The following GAPVD1 variants were observed in gnomAD, a reference collection of about 807,000 sequenced individuals.
GAPVD1 encodes the protein GTPase-activating protein and VPS9 domain-containing protein 1.
In GAPVD1, 35 loss-of-function variants were observed where a neutral mutation model predicts 155.5. That is an observed-to-expected ratio of 0.23 (90% confidence interval 0.17 to 0.30). The LOEUF is 0.30. Among genes scored for constraint, GAPVD1 ranks in the 10% least tolerant of loss-of-function variants. The pLI is 1.00. For synonymous variants in GAPVD1, 636 were observed against 619.7 expected (o/e 1.03, Z -0.39); for missense variants, 1,429 against 1,775.7 (o/e 0.80, Z 3.51).
chr9:125,309,491 C>T (rs372927388), intron 8 of GAPVD1, among the ~76,000 whole-genome samples: 6 of 152,084 alleles, frequency 3.9e-5, no homozygotes, highest in Non-Finnish European at 8.8e-5. Context: ...CCCACCACCA[C>T]GCCCGGCTAA....
At chr9:125,330,247 C>A in intron 13 of GAPVD1, 29 bp downstream of exon 13, 1 of 1,498,552 alleles carries the variant, frequency 6.7e-7, no homozygotes, top group Non-Finnish European at 9.0e-7. Flanking sequence ...TTTGCTTTTT[C>A]ATTTATACAG....
At chr9:125,355,607 T>C (rs1331474476) in intron 24 of GAPVD1, 37 bp from the exon 25 acceptor site, 1 of 1,205,804 alleles carries the variant, frequency 8.3e-7, no homozygotes, top group East Asian at 2.5e-5. Flanking sequence ...AGATAGTTTT[T>C]ATTAAACTAT....
intron 11 of GAPVD1, among the ~76,000 whole-genome samples, chr9:125,325,519 C>CA (rs34510251): frequency 0.56 from 51,689 of 92,986 alleles, 13,031 homozygotes; most frequent in Non-Finnish European, 0.57. Context: ...GACTCCATCT[C>CA]AAAAAAAAAA....
chr9:125,360,560 A>G lies in GAPVD1; in HGVS notation c.4077A>G (p.Ala1359=). 6.2e-7 allele frequency: 1 copy of G among 1,614,076 alleles called. No homozygotes were observed. The highest frequency in any genetic ancestry group is 2.2e-5 in the East Asian group (1 of 44,880). Residue 1359 remains alanine (A), a synonymous_variant, in exon 27 of 28, where the codon GCA becomes GCG. Coordinates refer to ENST00000297933, the MANE Select transcript of GAPVD1 (RefSeq NM_001282680.3). ...VYLREAPWPS[A]QSEIRTISAY... ...TTCGAGAAGCACCATGGCCATCTGC[A>G]CAATCAGAAATCAGGACAATAAGTG...
chr9:125,332,746 T>C lies in GAPVD1; in HGVS notation c.2428+117T>C. ...GTATAGCACTTTGGGACATACTTTG[T>C]CAGTATCTATTTAAGGTCTTAAATG... is the stretch of plus-strand genomic sequence containing the variant. On this transcript the variant is annotated intron_variant, in intron 15 of 27. Coordinates refer to ENST00000297933, the MANE Select transcript of GAPVD1 (RefSeq NM_001282680.3). 6 of 806,458 alleles carry C rather than the reference T, an allele frequency of 7.4e-6. No individual in the cohort carries two copies. In the Admixed American group the frequency reaches 1.5e-4, roughly 21 times the overall value. 50.0% of individuals were successfully genotyped at this position (806,458 alleles called of 1,614,324 possible). A position where few individuals can be genotyped will look rare whatever the true frequency, so the allele number is the denominator to read the frequency against.
chr9:125,322,587 T>TTTG (rs1339006462), intron 10 of GAPVD1, among the ~76,000 whole-genome samples: 3 of 152,308 alleles, frequency 2.0e-5, no homozygotes, highest in African/African-American at 7.2e-5. Flanking sequence ...TTTATCCTGT[T>TTTG]TTGTAACCTT....
At position 125,367,027 on chromosome 9, in the gene GAPVD1, CCTGGATTAAAAAGCTGTA is replaced by C. The variant is rs1851502355; in HGVS notation, c.*4285_*4302del. ...TCTACTGGATTCTTCTTGTGCTTCA[CCTGGATTAAAAAGCTGTA>C]CTGCCTCTTTTGAAACAGATAAAAC... On this transcript the variant is annotated 3_prime_UTR_variant, in exon 28 of 28. Transcript: ENST00000297933. 1 of 152,196 alleles carries C rather than the reference CCTGGATTAAAAAGCTGTA, an allele frequency of 6.6e-6. No individual in the cohort carries two copies. Among genetic ancestry groups the C allele is most frequent in the African/African-American group, 2.4e-5 (1 of 41,444 alleles). The allele number at this position is 152,196 out of a possible 1,614,324, so 9.4% of individuals were successfully genotyped here.
intron 20 of GAPVD1, 69 bp downstream of exon 20, chr9:125,347,010 A>T (rs774062952): frequency 2.6e-6 from 4 of 1,518,604 alleles, no homozygotes; most frequent in Admixed American, 3.5e-5. Context: ...TCTGAATTTA[A>T]GTGGCCTTTA....
chr9:125,350,091 G>A (rs1257419948), intron 21 of GAPVD1, among the ~76,000 whole-genome samples: 2 of 152,198 alleles, frequency 1.3e-5, no homozygotes, highest in African/African-American at 4.8e-5. Context: ...GTGCTTTAAA[G>A]AATGGTCCTT....
At chr9:125,357,742 G>A (rs922462164) in intron 25 of GAPVD1, among the ~76,000 whole-genome samples, 1 of 152,132 alleles carries the variant, frequency 6.6e-6, no homozygotes, top group Non-Finnish European at 1.5e-5. Flanking sequence ...GGGAGGCCGA[G>A]GCAGGTGGAT....
intron 3 of GAPVD1, among the ~76,000 whole-genome samples, chr9:125,296,604 T>C (rs989849131): frequency 6.6e-6 from 1 of 151,586 alleles, no homozygotes; most frequent in African/African-American, 2.4e-5. Flanking sequence ...TCCCCTTGCC[T>C]TGGCCTCCCA....
intron 27 of GAPVD1, among the ~76,000 whole-genome samples, chr9:125,362,308 T>C (rs1428072263): frequency 6.6e-6 from 1 of 152,194 alleles, no homozygotes; most frequent in Non-Finnish European, 1.5e-5. Context: ...TCCGGGGATG[T>C]TGAGTAAGAC....
At chr9:125,299,166 T>G in intron 4 of GAPVD1, 60 bp downstream of exon 4, 1 of 832,894 alleles carries the variant, frequency 1.2e-6, no homozygotes, top group Middle Eastern at 2.6e-4. Flanking sequence ...GTAAATAAAT[T>G]AGTAACTATA....
At position 125,349,529 on chromosome 9, in the gene GAPVD1, T is replaced by G. The variant is rs538305721; in HGVS notation, c.3299+10T>G. Reference sequence around the variant, plus strand: ...CAGCTTTCTCTTACAGGTATTTCTTTTATAGGATTTGGGACTTTAGGGTTT... The same window carrying G: ...CAGCTTTCTCTTACAGGTATTTCTTGTATAGGATTTGGGACTTTAGGGTTT... On this transcript the variant is annotated intron_variant, in intron 21 of 27. Coordinates refer to ENST00000297933, the MANE Select transcript of GAPVD1 (RefSeq NM_001282680.3). 1.2e-5 allele frequency: 20 copies of G among 1,613,462 alleles called. No homozygotes were observed. The South Asian group carries it at 1.9e-4, about 15-fold the overall frequency.
chr9:125,272,054 C>A (rs1229906865), intron 2 of GAPVD1, among the ~76,000 whole-genome samples: 1 of 151,858 alleles, frequency 6.6e-6, no homozygotes, highest in African/African-American at 2.4e-5. Flanking sequence ...GATGGAGTTT[C>A]ACTCTGTCTC....
Position 125,355,717 on chromosome 9 carries a change from A to T in GAPVD1, c.3831A>T (p.Ala1277=), listed in dbSNP as rs750730740. ...ATTTTCTGCAGTTTCTTTATGGTGCAATGGCCCAGGATGTCATATGGCAAA... is the reference window on the plus strand; with the variant it reads ...ATTTTCTGCAGTTTCTTTATGGTGCTATGGCCCAGGATGTCATATGGCAAA... The part of the protein sequence containing the change: ...VEDFLQFLYG[A]MAQDVIWQNA... Residue 1277 remains alanine, a synonymous_variant, in exon 25 of 28, where the codon GCA becomes GCT. Coordinates refer to ENST00000297933, the MANE Select transcript of GAPVD1 (RefSeq NM_001282680.3). 7 of 1,613,624 alleles carry T rather than the reference A, an allele frequency of 4.3e-6. No homozygotes were observed. In the Admixed American group the frequency reaches 1.2e-4, roughly 27 times the overall value.
intron 11 of GAPVD1, among the ~76,000 whole-genome samples, chr9:125,324,361 C>T (rs1475949706): frequency 6.6e-6 from 1 of 152,032 alleles, no homozygotes; most frequent in African/African-American, 2.4e-5. Flanking sequence ...GTGGCTGAGG[C>T]GGGTGGATCA....
chr9:125,297,777 A>G (rs1413224412), intron 3 of GAPVD1, among the ~76,000 whole-genome samples: 2 of 151,910 alleles, frequency 1.3e-5, no homozygotes, highest in Non-Finnish European at 2.9e-5. Flanking sequence ...ATAGAGTCTC[A>G]CTCTATTGCC....
chr9:125,341,118 T>C (rs1847794609), intron 17 of GAPVD1, 59 bp from the exon 18 acceptor site: 1 of 880,220 alleles, frequency 1.1e-6, no homozygotes, highest in East Asian at 2.4e-5. Flanking sequence ...AAGAAATCCT[T>C]TTCTTAGTAA....
Sources: allele counts gnomAD v4.1 joint callset (sites outside exome capture counted in the v4.1 genomes callset), GRCh38; gene constraint gnomAD v4.1.1; transcripts MANE v1.5; gene names NCBI Gene and HGNC (gene_info 2026-07-23, HGNC 2026-07-21).